Variants in NDUFAF6 observed in about 807,000 individuals in gnomAD.
NDUFAF6 encodes the protein NADH:ubiquinone oxidoreductase complex assembly factor 6, also known as NADH dehydrogenase (ubiquinone) complex I, assembly factor 6.
Under a neutral mutation model 40.8 loss-of-function variants are expected in NDUFAF6, and 45 were observed. That is an observed-to-expected ratio of 1.10 (90% CI 0.87 to 1.42). The LOEUF is 1.42. NDUFAF6 is among the 40% of genes most tolerant of loss of function. NDUFAF6 has a pLI of 0.00. For missense variants in NDUFAF6, 435 were observed against 418.5 expected (o/e 1.04, Z -0.34); for synonymous variants, 185 against 155.9 (o/e 1.19, Z -1.39).
At chr8:95,095,493 C>A (rs1202512119), upstream of NDUFAF6, among the ~76,000 whole-genome samples, 2 of 152,068 alleles carry the variant, frequency 1.3e-5, no homozygotes, top group African/African-American at 4.8e-5. Context: ...CAGGGGAATC[C>A]AGCACACGTG....
At chr8:94,940,795 G>A in intron 1 of NDUFAF6, 1 of 1,510,584 alleles carries the variant, frequency 6.6e-7, no homozygotes, top group Non-Finnish European at 9.1e-7. Context: ...TTTTTACTGT[G>A]AAGATGAACC....
At chr8:94,899,638 T>C (rs1295394209) in intron 1 of NDUFAF6, among the ~76,000 whole-genome samples, 1 of 152,230 alleles carries the variant, frequency 6.6e-6, no homozygotes, top group Non-Finnish European at 1.5e-5. Context: ...CTGTGCTGCC[T>C]CCATTTATCA....
intron 1 of NDUFAF6, among the ~76,000 whole-genome samples, chr8:94,910,804 G>A (rs477653): frequency 0.72 from 109,022 of 152,114 alleles, 39,369 homozygotes; most frequent in East Asian, 0.8. Context: ...CTATAGCTTT[G>A]TTTGTAATAG....
chr8:94,902,345 G>A (rs891214436), intron 1 of NDUFAF6, among the ~76,000 whole-genome samples: 1 of 151,800 alleles, frequency 6.6e-6, no homozygotes, highest in Non-Finnish European at 1.5e-5. Context: ...CTTGAACCCA[G>A]GAGGTGGACA....
chr8:94,985,943 G>A lies in NDUFAF6; in HGVS notation c.-84+4970G>A, dbSNP rs1428871231. Among the ~76,000 whole-genome samples, 4 of 145,154 alleles carry A rather than the reference G, an allele frequency of 2.8e-5. No homozygotes were observed. In the East Asian group the frequency reaches 8.2e-4, roughly 30 times the overall value. On this transcript the variant is annotated intron_variant, in intron 2 of 9. Transcript: ENST00000396111. ...GGCTGGAGTGCAGTGGCGTGATCTC[G>A]GCTCACTGCAAGCTCTGCCTCCCAG...
At chr8:94,926,755 C>G (rs1347144505) in intron 1 of NDUFAF6, 1 of 152,220 alleles carries the variant, frequency 6.6e-6, no homozygotes, top group African/African-American at 2.4e-5. Flanking sequence ...TGCATGTTTT[C>G]CAGTACCTCT....
At chr8:95,047,656 C>T (rs1297703230) in intron 6 of NDUFAF6, among the ~76,000 whole-genome samples, 3 of 150,904 alleles carry the variant, frequency 2.0e-5, no homozygotes, top group Non-Finnish European at 4.4e-5. Context: ...ACTACAGGCG[C>T]CCGCCACCAC....
intron 1 of NDUFAF6, among the ~76,000 whole-genome samples, chr8:94,925,793 G>C (rs1819836189): frequency 6.6e-6 from 1 of 152,128 alleles, no homozygotes; most frequent in Non-Finnish European, 1.5e-5. Flanking sequence ...GCCTGCCTTG[G>C]CCTTCCAAAT....
intron 8 of NDUFAF6, among the ~76,000 whole-genome samples, chr8:95,054,595 C>T (rs754097998): frequency 6.6e-6 from 1 of 152,066 alleles, no homozygotes; most frequent in Non-Finnish European, 1.5e-5. Flanking sequence ...CCACCATGCC[C>T]CGCTAATTTT....
At chr8:95,105,066 CAGAGAGAGAG>C (rs55705930), downstream of NDUFAF6, among the ~76,000 whole-genome samples, 9,804 of 72,248 alleles carry the variant, frequency 0.14, 532 homozygotes, top group African/African-American at 0.18. Flanking sequence ...CACACACACA[CAGAGAGAGAG>C]AGAGAGAGAG....
chr8:95,003,291 C>T (rs996263121), intron 2 of NDUFAF6, among the ~76,000 whole-genome samples: 1 of 152,190 alleles, frequency 6.6e-6, no homozygotes, highest in African/African-American at 2.4e-5. Context: ...ATGACAAAGG[C>T]TCTAATAGAG....
At chr8:94,896,271 C>T (rs1047936876) in intron 1 of NDUFAF6, among the ~76,000 whole-genome samples, 3 of 148,318 alleles carry the variant, frequency 2.0e-5, no homozygotes, top group South Asian at 2.1e-4. Context: ...GCGCCCCGCC[C>T]CGCCGCCGCC....
At chr8:94,995,062 G>A (rs1019867577) in intron 2 of NDUFAF6, among the ~76,000 whole-genome samples, 3 of 152,194 alleles carry the variant, frequency 2.0e-5, no homozygotes, top group African/African-American at 7.2e-5. Flanking sequence ...ATAGCCAAGA[G>A]GTGGAAACAA....
intron 2 of NDUFAF6, among the ~76,000 whole-genome samples, chr8:95,089,563 G>A (rs1469912128): frequency 6.6e-6 from 1 of 152,160 alleles, no homozygotes; most frequent in Non-Finnish European, 1.5e-5. Context: ...GTTTTACAGA[G>A]TGGATGGAAG....
chr8:95,046,963 GA>G, intron 5 of NDUFAF6, 30 bp from the exon 6 acceptor site: 4 of 1,613,496 alleles, frequency 2.5e-6, no homozygotes, highest in Non-Finnish European at 3.4e-6. Flanking sequence ...ACTTAGAATA[GA>G]GCAGCCCTGT....
At chr8:95,088,821 C>T (rs539407372) in intron 2 of NDUFAF6, among the ~76,000 whole-genome samples, 3 of 151,878 alleles carry the variant, frequency 2.0e-5, no homozygotes, top group East Asian at 3.9e-4. Flanking sequence ...AGTGCAGTGG[C>T]GCCATCTCGG....
chr8:94,941,269 C>T (rs536761674), intron 1 of NDUFAF6, among the ~76,000 whole-genome samples: 1 of 152,126 alleles, frequency 6.6e-6, no homozygotes, highest in Non-Finnish European at 1.5e-5. Flanking sequence ...TGTAAATACT[C>T]TTACTCAAAT....
chr8:94,994,410 G>C (rs568440418), intron 2 of NDUFAF6, among the ~76,000 whole-genome samples: 1 of 152,188 alleles, frequency 6.6e-6, no homozygotes, highest in African/African-American at 2.4e-5. Flanking sequence ...ACTTAGCTGG[G>C]CATGGTGGCT....
At chr8:95,099,878 A>G (rs557708581), upstream of NDUFAF6, among the ~76,000 whole-genome samples, 7 of 152,248 alleles carry the variant, frequency 4.6e-5, no homozygotes, top group Non-Finnish European at 7.3e-5. Context: ...GCAAGTGCCT[A>G]TAAAATAATC....
Sources: allele counts gnomAD v4.1 joint callset (sites outside exome capture counted in the v4.1 genomes callset), GRCh38; gene constraint gnomAD v4.1.1; transcripts MANE v1.5; gene names NCBI Gene and HGNC (gene_info 2026-07-23, HGNC 2026-07-21).